The following KCNG3 variants were observed in gnomAD, a reference collection of about 807,000 sequenced individuals.
KCNG3 encodes the protein voltage-gated potassium channel regulatory subunit KCNG3.
Under a neutral mutation model 29.0 loss-of-function variants are expected in KCNG3, and 15 were observed. The ratio of observed to expected loss-of-function variants is 0.52; its 90% confidence interval spans 0.35 to 0.80. KCNG3 has a LOEUF of 0.80. Ranked by LOEUF, KCNG3 falls within the 30% of genes least tolerant of loss-of-function variation. The pLI is 0.01. For missense variants in KCNG3, 512 were observed against 605.7 expected (o/e 0.85, Z 1.62); for synonymous variants, 322 against 248.9 (o/e 1.29, Z -2.76).
At chr2:42,451,440 G>C (rs575793470) in intron 1 of KCNG3, among the ~76,000 whole-genome samples, 94 of 151,518 alleles carry the variant, frequency 6.2e-4, no homozygotes, top group African/African-American at 2.1e-3. Context: ...AAAATTAGCA[G>C]GGGGCCGGGC....
At chr2:42,447,339 G>T (rs1301455652) in intron 1 of KCNG3, among the ~76,000 whole-genome samples, 1 of 151,518 alleles carries the variant, frequency 6.6e-6, no homozygotes, top group Non-Finnish European at 1.5e-5. Context: ...TACACAAATA[G>T]TAGCATGTTA....
chr2:42,466,655 T>A (rs1673147613), intron 1 of KCNG3, among the ~76,000 whole-genome samples: 1 of 151,998 alleles, frequency 6.6e-6, no homozygotes. Flanking sequence ...GACACACGAC[T>A]GTGTACTGTT....
intron 1 of KCNG3, among the ~76,000 whole-genome samples, chr2:42,472,091 C>G (rs1339816751): frequency 1.3e-5 from 2 of 152,144 alleles, no homozygotes; most frequent in Non-Finnish European, 2.9e-5. Context: ...GATGTGCATA[C>G]TTTTCAATAC....
intron 1 of KCNG3, among the ~76,000 whole-genome samples, chr2:42,477,388 T>TACACACACACACACAC (rs1210808896): frequency 3.2e-4 from 34 of 104,782 alleles, no homozygotes; most frequent in African/African-American, 1.2e-3. Context: ...CACATATATA[T>TACACACACACACACAC]ACACACACAC....
the KCNG3 span, among the ~76,000 whole-genome samples, chr2:42,429,611 C>A: frequency 6.6e-6 from 1 of 152,288 alleles, no homozygotes; most frequent in East Asian, 1.9e-4. Flanking sequence ...TCTCTGTGGA[C>A]CATAGGATGG....
the KCNG3 span, among the ~76,000 whole-genome samples, chr2:42,401,382 A>T: frequency 2.0e-5 from 3 of 150,490 alleles, no homozygotes; most frequent in African/African-American, 7.3e-5. Context: ...AGGAGAAAGG[A>T]GCTGAAATAT....
chr2:42,426,198 T>C, the KCNG3 span, among the ~76,000 whole-genome samples: 1 of 152,170 alleles, frequency 6.6e-6, no homozygotes, highest in Non-Finnish European at 1.5e-5. Flanking sequence ...ATAACACACC[T>C]GAATGAGGAA....
the KCNG3 span, among the ~76,000 whole-genome samples, chr2:42,427,735 A>C: frequency 6.6e-6 from 1 of 152,268 alleles, no homozygotes; most frequent in Non-Finnish European, 1.5e-5. Flanking sequence ...AATAGAATAT[A>C]ATCCATAACT....
the KCNG3 span, among the ~76,000 whole-genome samples, chr2:42,419,256 G>A: frequency 3.6e-5 from 1 of 27,692 alleles, no homozygotes; most frequent in African/African-American, 1.2e-4. Context: ...TTTTTTTTGA[G>A]ATAGAGTCTC....
At chr2:42,412,866 A>G in the KCNG3 span, among the ~76,000 whole-genome samples, 1 of 152,148 alleles carries the variant, frequency 6.6e-6, no homozygotes, top group South Asian at 2.1e-4. Flanking sequence ...CTGGCGTCTG[A>G]AATACCTTTT....
intron 1 of KCNG3, among the ~76,000 whole-genome samples, chr2:42,457,627 T>TCTCACACACACA (rs1553327818): frequency 6.4e-5 from 8 of 125,520 alleles, no homozygotes; most frequent in Middle Eastern, 3.9e-3. Context: ...CAGGCAGATC[T>TCTCACACACACA]CACACACACA....
intron 1 of KCNG3, chr2:42,463,088 A>G (rs946722209): frequency 4.8e-6 from 1 of 206,718 alleles, no homozygotes; most frequent in Non-Finnish European, 1.0e-5. Context: ...TTCTGAAGGT[A>G]GCTACACTGC....
chr2:42,443,783 C>CT lies in KCNG3; in HGVS notation c.*150dup. 1 of 665,444 alleles carries CT rather than the reference C, an allele frequency of 1.5e-6. No homozygotes were observed. The highest frequency in any genetic ancestry group is 2.3e-5 in the South Asian group (1 of 44,134). The allele number at this position is 665,444 out of a possible 1,614,324, so 41.2% of individuals were successfully genotyped here. On this transcript the variant is annotated 3_prime_UTR_variant, in exon 2 of 2. Transcript: ENST00000306078. ...TTCTATTTACTCCATAACAAGTAAA[C>CT]TGTTTTATCCCTTCGGCTGGGAAGG... is the stretch of plus-strand genomic sequence containing the variant.
At chr2:42,398,339 T>G in the KCNG3 span, among the ~76,000 whole-genome samples, 6 of 152,242 alleles carry the variant, frequency 3.9e-5, no homozygotes, top group African/African-American at 1.2e-4. Flanking sequence ...TTGCCATGGT[T>G]GCTTCCATCA....
At chr2:42,421,170 G>C in the KCNG3 span, among the ~76,000 whole-genome samples, 1 of 152,192 alleles carries the variant, frequency 6.6e-6, no homozygotes, top group Admixed American at 6.5e-5. Context: ...ATGCCAAAAT[G>C]TTAAAAATGA....
chr2:42,467,249 A>G (rs1260811252), intron 1 of KCNG3, among the ~76,000 whole-genome samples: 1 of 152,192 alleles, frequency 6.6e-6, no homozygotes, highest in Non-Finnish European at 1.5e-5. Context: ...CTATTCACCA[A>G]AAGATGCATA....
chr2:42,450,310 G>T (rs753925527), intron 1 of KCNG3, among the ~76,000 whole-genome samples: 19 of 152,122 alleles, frequency 1.2e-4, no homozygotes, highest in Non-Finnish European at 2.6e-4. Flanking sequence ...ACACCAAAGG[G>T]ATGAATCAGT....
At chr2:42,406,564 C>T in the KCNG3 span, among the ~76,000 whole-genome samples, 1,970 of 150,828 alleles carry the variant, frequency 0.013, 37 homozygotes, top group African/African-American at 0.042. Context: ...CAGTGGCTCA[C>T]GCCTGTAATC....
chr2:42,447,277 T>TATATAC (rs1449000374), intron 1 of KCNG3, among the ~76,000 whole-genome samples: 1 of 150,946 alleles, frequency 6.6e-6, no homozygotes, highest in East Asian at 1.9e-4. Context: ...CATGTATATA[T>TATATAC]ATATACATAC....
Sources: allele counts gnomAD v4.1 joint callset (sites outside exome capture counted in the v4.1 genomes callset), GRCh38; gene constraint gnomAD v4.1.1; transcripts MANE v1.5; gene names NCBI Gene and HGNC (gene_info 2026-07-23, HGNC 2026-07-21).